Variants in GAS7 observed in about 807,000 individuals in gnomAD.
GAS7 encodes the protein growth arrest specific 7.
GAS7 carries 28 observed loss-of-function variants against 71.1 expected under a neutral mutation model. The ratio of observed to expected loss-of-function variants is 0.39; its 90% CI spans 0.29 to 0.54. The LOEUF (loss-of-function observed/expected upper bound fraction) is 0.54, where lower values mean the gene tolerates loss of function less well. GAS7 is among the 20% of genes least tolerant of loss of function. The pLI is 0.62. For synonymous variants in GAS7, 258 were observed against 245.8 expected, an observed-to-expected ratio of 1.05 and a Z score of -0.46; for missense variants, 436 against 627.8, an observed-to-expected ratio of 0.69 and a Z score of 3.27.
chr17:10,182,665 G>C (rs1029968257), intron 1 of GAS7, among the ~76,000 whole-genome samples: 1 of 152,088 alleles, frequency 6.6e-6, no homozygotes, highest in Non-Finnish European at 1.5e-5. Context: ...CTAAGTCTCC[G>C]ACAGCAAGGA....
chr17:10,120,691 G>T (rs2073897418), intron 1 of GAS7, among the ~76,000 whole-genome samples: 1 of 152,014 alleles, frequency 6.6e-6, no homozygotes, highest in Admixed American at 6.6e-5. Flanking sequence ...CAGCCTGGGG[G>T]ACAAGAGTGA....
chr17:10,172,082 G>C (rs1026391060), intron 1 of GAS7, among the ~76,000 whole-genome samples: 2 of 152,202 alleles, frequency 1.3e-5, no homozygotes, highest in African/African-American at 4.8e-5. Flanking sequence ...ACCTCCATCT[G>C]CTGCTTTCCC....
intron 9 of GAS7, among the ~76,000 whole-genome samples, chr17:9,931,432 T>G (rs2068205019): frequency 6.6e-6 from 1 of 151,900 alleles, no homozygotes; most frequent in African/African-American, 2.4e-5. Flanking sequence ...ACCCAGCAGG[T>G]GACCTTTCCA....
chr17:9,945,104 C>T (rs1161601046), intron 6 of GAS7, among the ~76,000 whole-genome samples: 1 of 152,090 alleles, frequency 6.6e-6, no homozygotes, highest in Non-Finnish European at 1.5e-5. Flanking sequence ...CTTGAGACCC[C>T]ACACGCTGAC....
chr17:10,174,682 A>G (rs1231727907), intron 1 of GAS7, among the ~76,000 whole-genome samples: 1 of 151,756 alleles, frequency 6.6e-6, no homozygotes, highest in African/African-American at 2.4e-5. Flanking sequence ...GCAGAGCGAG[A>G]CTCCGTATCA....
intron 2 of GAS7, among the ~76,000 whole-genome samples, chr17:10,006,998 T>A (rs973485662): frequency 1.3e-5 from 2 of 152,192 alleles, no homozygotes; most frequent in African/African-American, 4.8e-5. Context: ...CTACGATACA[T>A]GTTTACCTAT....
In GAS7 at chr17:9,916,598, C is replaced by T. The variant is rs2067590032; in HGVS notation, c.*630G>A. 3.7e-6 allele frequency: 1 copy of T among 267,000 alleles called. No individual in the cohort carries two copies. Among genetic ancestry groups the T allele is most frequent in the African/African-American group, 2.2e-5 (1 of 46,488 alleles). 16.5% of individuals were successfully genotyped at this position (267,000 alleles called of 1,614,324 possible). On this transcript the variant is annotated 3_prime_UTR_variant, in exon 14 of 14. Coordinates refer to ENST00000432992, the MANE Select transcript of GAS7 (RefSeq NM_201433.2). ...GGCTAATTTGCCGAATGAGGTAGTT[C>T]CATCCTGACCTCTCCAGGCATGGTG...
chr17:10,020,543 C>A (rs1001135899), intron 1 of GAS7, among the ~76,000 whole-genome samples: 1 of 151,830 alleles, frequency 6.6e-6, no homozygotes. Context: ...AATTACTTTT[C>A]GTTAAAAAAC....
At chr17:9,952,694 A>G (rs2152105979) in intron 5 of GAS7, among the ~76,000 whole-genome samples, 1 of 152,274 alleles carries the variant, frequency 6.6e-6, no homozygotes, top group East Asian at 1.9e-4. Flanking sequence ...CGCCCGGCCC[A>G]GACACTTTTC....
intron 1 of GAS7, among the ~76,000 whole-genome samples, chr17:10,024,463 CA>C (rs2072390429): frequency 6.6e-6 from 1 of 152,196 alleles, no homozygotes; most frequent in Non-Finnish European, 1.5e-5. Flanking sequence ...AGAGGTGACA[CA>C]GGCCCGGGGG....
intron 1 of GAS7, among the ~76,000 whole-genome samples, chr17:10,119,820 T>C (rs1396973977): frequency 1.3e-5 from 2 of 152,108 alleles, no homozygotes; most frequent in Non-Finnish European, 2.9e-5. Flanking sequence ...GGCTGTCTTC[T>C]CCTGGCAGTG....
chr17:9,956,141 G>A (rs1189384828), intron 5 of GAS7, among the ~76,000 whole-genome samples: 1 of 152,222 alleles, frequency 6.6e-6, no homozygotes. Flanking sequence ...GCAGGAGCCT[G>A]TGGGGAACAG....
At chr17:9,982,107 T>C (rs912078660) in intron 2 of GAS7, among the ~76,000 whole-genome samples, 5 of 152,076 alleles carry the variant, frequency 3.3e-5, no homozygotes. Flanking sequence ...ACAGAGCTTG[T>C]TTTTGCTGGG....
At chr17:10,005,330 C>T (rs150598176) in intron 2 of GAS7, among the ~76,000 whole-genome samples, 5,850 of 148,788 alleles carry the variant, frequency 0.039, 293 homozygotes, top group African/African-American at 0.12. Flanking sequence ...TATATATATA[C>T]ACACACACAC....
At chr17:10,000,921 T>A (rs2071244766) in intron 2 of GAS7, among the ~76,000 whole-genome samples, 1 of 152,160 alleles carries the variant, frequency 6.6e-6, no homozygotes, top group Admixed American at 6.5e-5. Context: ...CAAGGAGTCA[T>A]CATCTCCTTG....
At chr17:10,138,216 C>A (rs1002083744) in intron 1 of GAS7, among the ~76,000 whole-genome samples, 1 of 148,196 alleles carries the variant, frequency 6.7e-6, no homozygotes, top group Non-Finnish European at 1.5e-5. Context: ...CCGCCCGCCT[C>A]GGCCTCCCAA....
At position 9,940,158 on chromosome 17, in the gene GAS7, G is replaced by A. The variant is rs775363910; in HGVS notation, c.774C>T (p.Leu258=). The change falls in exon 8 of 14, where the codon CTC becomes CTT. Residue 258 remains leucine (L), a synonymous_variant. Transcript: ENST00000432992. ...EEDYAKNLAK[L]SQNSLASQEE... Reference sequence around the variant, plus strand: ...CCTGTGAAGCCAAGGAGTTCTGAGAGAGCTTAGCTAAGTTCTTCGCATAGT... The same window carrying A: ...CCTGTGAAGCCAAGGAGTTCTGAGAAAGCTTAGCTAAGTTCTTCGCATAGT... 6.2e-7 allele frequency: 1 copy of A among 1,611,356 alleles called. No homozygotes were observed. The highest frequency in any genetic ancestry group is 8.5e-7 in the Non-Finnish European group (1 of 1,177,548).
intron 5 of GAS7, among the ~76,000 whole-genome samples, chr17:9,957,374 G>T (rs1201506032): frequency 6.6e-6 from 1 of 152,166 alleles, no homozygotes; most frequent in African/African-American, 2.4e-5. Flanking sequence ...GCCCATCAGG[G>T]GCCCAACAAG....
rs142724237 is a variant in GAS7, at chr17:10,117,005, A to G, written c.183+81203T>C. On this transcript the variant is annotated intron_variant, in intron 1 of 13. Transcript: ENST00000432992. ...AGGCTGCTGTAACAAATTCCCATAC[A>G]CTAACGGGCTTCAAACAATGAAAAT... Among the ~76,000 whole-genome samples, 126 of 152,226 alleles carry G rather than the reference A, an allele frequency of 8.3e-4. 1 individual carries two copies. Among genetic ancestry groups the G allele is most frequent in the African/African-American group, 2.9e-3 (120 of 41,544 alleles).
Sources: gnomAD v4.1 joint callset for allele counts (sites outside exome capture counted in the v4.1 genomes callset) on GRCh38, gnomAD v4.1.1 for gene constraint, MANE v1.5 for transcripts, NCBI Gene and HGNC (gene_info 2026-07-23, HGNC 2026-07-21) for gene names.